CELSR2: variants seen among roughly 807,000 people sequenced by gnomAD.
CELSR2 encodes cadherin EGF LAG seven-pass G-type receptor 2.
Under a neutral mutation model 251.6 loss-of-function variants are expected in CELSR2, and 81 were observed. The ratio of observed to expected loss-of-function variants is 0.32; its 90% CI spans 0.27 to 0.39. The LOEUF is 0.39. Among genes scored for constraint, CELSR2 ranks in the 10% least tolerant of loss-of-function variants. The probability of loss-of-function intolerance (pLI) is 1.00; values close to 1 mark genes in which losing one functional copy is unlikely to be tolerated. For missense variants in CELSR2, 3,365 were observed against 3,947.7 expected (o/e 0.85, Z 3.96); for synonymous variants, 1,721 against 1,670.5 (o/e 1.03, Z -0.74).
chr1:109,262,939 G>A lies in CELSR2; in HGVS notation c.4678G>A (p.Asp1560Asn), dbSNP rs199557483. 185 of 1,613,656 alleles carry A rather than the reference G, an allele frequency of 1.1e-4. No homozygotes were observed. The highest frequency in any genetic ancestry group is 1.5e-4 in the Non-Finnish European group (176 of 1,179,950). ...GGACAGCCGGCACATAGACATGGCT[G>A]ACTTCATTGCCAACAATGGCACCGT... Reference protein sequence around the residue: ...QVDSRHIDMADFIANNGTVPG... With the variant: ...QVDSRHIDMANFIANNGTVPG... The change falls in exon 7 of 34, where the codon GAC becomes AAC. Residue 1560 changes from aspartate to asparagine, a missense_variant. By Grantham distance (23) the Asp-to-Asn change is conservative. Coordinates refer to ENST00000271332, the MANE Select transcript of CELSR2 (RefSeq NM_001408.3).
intron 24 of CELSR2, 156 bp from the exon 25 acceptor site, chr1:109,270,771 G>T: frequency 9.9e-7 from 1 of 1,012,526 alleles, no homozygotes; most frequent in South Asian, 1.5e-5. Context: ...CCACCCAGGC[G>T]TCACTCCCTT....
At position 109,251,489 on chromosome 1, in the gene CELSR2, C is replaced by T. The variant is rs911446385; in HGVS notation, c.1410C>T (p.Tyr470=). ...TTGACTATGAGACGACCAAGGAGTA[C>T]ACCCTACGGGTGCGAGCACAGGATG... The part of the protein sequence containing the change: ...SPLDYETTKE[Y]TLRVRAQDGG... Residue 470 remains tyrosine, a synonymous_variant, in exon 1 of 34, where the codon TAC becomes TAT. Coordinates refer to ENST00000271332, the MANE Select transcript of CELSR2 (RefSeq NM_001408.3). This position sits in a 1 kb window ranked among gnomAD's most constrained non-coding sequence, Gnocchi z 4.9. 2.5e-6 allele frequency: 4 copies of T among 1,613,630 alleles called. No individual in the cohort carries two copies. The highest frequency in any genetic ancestry group is 3.4e-6 in the Non-Finnish European group (4 of 1,180,036).
chr1:109,267,787 C>T lies in CELSR2; in HGVS notation c.6109-64C>T, dbSNP rs868686247. On this transcript the variant is annotated intron_variant, in intron 16 of 33. Coordinates refer to ENST00000271332, the MANE Select transcript of CELSR2 (RefSeq NM_001408.3). ...CAGCTGGAGAGGCCGTCTCTCACCT[C>T]CTGAGGTCCTTTTGCTCCAGAGTTC... is the stretch of plus-strand genomic sequence containing the variant. 11 of 1,579,014 alleles carry T rather than the reference C, an allele frequency of 7.0e-6. 1 individual carries two copies. In the South Asian group the frequency reaches 8.0e-5, roughly 11 times the overall value.
chr1:109,268,449 G>T, intron 17 of CELSR2, 132 bp from the exon 18 acceptor site: 1 of 1,223,376 alleles, frequency 8.2e-7, no homozygotes, highest in Non-Finnish European at 1.1e-6. Flanking sequence ...GCATTTCAGG[G>T]GAGGCAACAG....
chr1:109,258,498 C>G lies in CELSR2; in HGVS notation c.3377C>G (p.Thr1126Ser). The G allele has an allele frequency of 6.2e-7, 1 of 1,602,372 alleles. No individual in the cohort carries two copies. Among genetic ancestry groups the G allele is most frequent in the Non-Finnish European group, 8.5e-7 (1 of 1,174,446 alleles). Residue 1126 changes from threonine (T) to serine (S), a missense_variant, in exon 2 of 34, where the codon ACC (threonine) becomes AGC (serine). Thr to Ser is a moderately conservative substitution (Grantham distance 58, BLOSUM62 1). This residue lies in a region of CELSR2 where 505 missense variants were observed against 660.0 expected (regional missense o/e 0.77). Coordinates refer to ENST00000271332, the MANE Select transcript of CELSR2 (RefSeq NM_001408.3). The stretch of plus-strand genomic sequence containing the variant: ...ACCATCATCACCGATGAGATGCTCA[C>G]CCACAGCATCACGCTGCGCCTGGAG... ...RVTIITDEMLTHSITLRLEDM... is the reference protein window; with the variant it reads ...RVTIITDEMLSHSITLRLEDM...
At chr1:109,263,420 G>T (rs896886807) in intron 8 of CELSR2, among the ~76,000 whole-genome samples, 153 bp downstream of exon 8, 1 of 152,214 alleles carries the variant, frequency 6.6e-6, no homozygotes, top group Admixed American at 6.5e-5. Context: ...CAACACAGGA[G>T]ACAAAGGGGC....
rs1250773291 is a variant in CELSR2, at chr1:109,264,080, A to C, written c.5004A>C (p.Leu1668=). The C allele has an allele frequency of 6.4e-7, 1 of 1,572,700 alleles. No individual in the cohort carries two copies. The highest frequency in any genetic ancestry group is 8.7e-7 in the Non-Finnish European group (1 of 1,153,770). ...GTTTTCTTTCCTCCTGGTGTCAGCT[A>C]CGAGAGGGCCACGTGATGCTGAGCG... The part of the protein sequence containing the change: ...TRGRSTITLQ[L]REGHVMLSVE... The change falls in exon 10 of 34, where the codon CTA becomes CTC. Residue 1668 remains leucine, a splice_region_variant and synonymous_variant. Coordinates refer to ENST00000271332, the MANE Select transcript of CELSR2 (RefSeq NM_001408.3).
At position 109,267,722 on chromosome 1, in the gene CELSR2, C is replaced by T. The variant is rs541442521; in HGVS notation, c.6108+80C>T. ...TTGCCCCCACTCCCATCTTTGAGAA[C>T]GGGGCTTCTGGAATTCCAGCCTGTG... On this transcript the variant is annotated intron_variant, in intron 16 of 33. Transcript: ENST00000271332. 2.1e-5 allele frequency: 33 copies of T among 1,562,200 alleles called. No individual in the cohort carries two copies. In the South Asian group the frequency reaches 3.2e-4, roughly 15 times the overall value.
intron 8 of CELSR2, 82 bp downstream of exon 8, chr1:109,263,349 C>A: frequency 6.6e-7 from 1 of 1,507,392 alleles, no homozygotes; most frequent in Non-Finnish European, 8.9e-7. Context: ...AGGCACTGGG[C>A]AGGGCTCTGC....
chr1:109,271,433 C>T lies in CELSR2; in HGVS notation c.7724C>T (p.Thr2575Met), dbSNP rs1260028332. 5 of 1,613,938 alleles carry T rather than the reference C, an allele frequency of 3.1e-6. No homozygotes were observed. Among genetic ancestry groups the T allele is most frequent in the Non-Finnish European group, 3.4e-6 (4 of 1,180,036 alleles). ...GCCGTCCTCCTGCTGCTGAGCGCCA[C>T]GTGGCTGCTGGCACTGCTCTCTGTC... is the stretch of plus-strand genomic sequence containing the variant. ...SFAVLLLLSA[T>M]WLLALLSVNS... Residue 2575 changes from threonine (T) to methionine (M), a missense_variant, in exon 27 of 34, where the codon ACG becomes ATG. By Grantham distance (81) the Thr-to-Met change is moderately conservative. Coordinates refer to ENST00000271332, the MANE Select transcript of CELSR2 (RefSeq NM_001408.3).
chr1:109,273,527 C>A lies in CELSR2; in HGVS notation c.8601C>A (p.Gly2867=), dbSNP rs1414355160. 1.9e-6 allele frequency: 3 copies of A among 1,599,542 alleles called. No homozygotes were observed. ...PLEQCTGSSR[G]SSASEGSRGG... is the part of the protein sequence containing the mutation. Reference sequence around the variant, plus strand: ...AGCAATGCACAGGGTCTTCCCGGGGCTCCTCCGCTAGTGAGGGCAGCCGGG... The same window carrying A: ...AGCAATGCACAGGGTCTTCCCGGGGATCCTCCGCTAGTGAGGGCAGCCGGG... The change falls in exon 33 of 34, where the codon GGC becomes GGA. Residue 2867 remains glycine, a synonymous_variant. Coordinates refer to ENST00000271332, the MANE Select transcript of CELSR2 (RefSeq NM_001408.3).
chr1:109,257,365 A>AT (rs1333706333), intron 1 of CELSR2, among the ~76,000 whole-genome samples: 1 of 151,814 alleles, frequency 6.6e-6, no homozygotes, highest in Non-Finnish European at 1.5e-5. Flanking sequence ...AAAAAAAAAA[A>AT]AAGACTATCC....
chr1:109,273,875 C>T, intron 33 of CELSR2, 147 bp from the exon 34 acceptor site: 2 of 1,225,836 alleles, frequency 1.6e-6, no homozygotes, highest in African/African-American at 3.0e-5. Flanking sequence ...CTACGCGGCG[C>T]AGCCCAGCCT....
At chr1:109,267,704 C>A in intron 16 of CELSR2, 62 bp downstream of exon 16, 2 of 1,580,702 alleles carry the variant, frequency 1.3e-6, no homozygotes, top group South Asian at 1.1e-5. Flanking sequence ...CACTTGCCCC[C>A]ACTCCCATCT....
chr1:109,251,491 C>A lies in CELSR2; in HGVS notation c.1412C>A (p.Thr471Asn), dbSNP rs201185292. 1 of 1,613,776 alleles carries A rather than the reference C, an allele frequency of 6.2e-7. No homozygotes were observed. Among genetic ancestry groups the A allele is most frequent in the Admixed American group, 1.7e-5 (1 of 60,026 alleles). ...GACTATGAGACGACCAAGGAGTACA[C>A]CCTACGGGTGCGAGCACAGGATGGT... is the stretch of plus-strand genomic sequence containing the variant. Reference protein sequence around the residue: ...PLDYETTKEYTLRVRAQDGGR... With the variant: ...PLDYETTKEYNLRVRAQDGGR... Residue 471 changes from threonine (T) to asparagine (N), a missense_variant, in exon 1 of 34, where the codon ACC (threonine) becomes AAC (asparagine). By Grantham distance (65) the Thr-to-Asn change is moderately conservative. Coordinates refer to ENST00000271332, the MANE Select transcript of CELSR2 (RefSeq NM_001408.3). This position sits in a 1 kb window ranked among gnomAD's most constrained non-coding sequence, Gnocchi z 4.9.
chr1:109,258,949 C>G lies in CELSR2; in HGVS notation c.3828C>G (p.Cys1276Trp). ...CCGTCGGAGGGCTGCGCTGCCGCTG[C>G]CCGCCCGGCTTCACGGGTGACTACT... ...IHPVGGLRCR[C>W]PPGFTGDYCE... Residue 1276 changes from cysteine to tryptophan, a missense_variant, in exon 2 of 34, where the codon TGC becomes TGG. Cys to Trp is a radical substitution (Grantham distance 215). Transcript: ENST00000271332. 6.2e-7 allele frequency: 1 copy of G among 1,611,626 alleles called. No individual in the cohort carries two copies.
chr1:109,269,405 C>A lies in CELSR2; in HGVS notation c.6813-19C>A. On this transcript the variant is annotated intron_variant, in intron 20 of 33. Coordinates refer to ENST00000271332, the MANE Select transcript of CELSR2 (RefSeq NM_001408.3). This position sits in a 1 kb window ranked among gnomAD's most constrained non-coding sequence, Gnocchi z 6.4. ...ATGTGACTGCCGTGGTGACTGTGCA[C>A]CTGACTGCCCCACATCAGAGTCCCC... 1 of 1,612,442 alleles carries A rather than the reference C, an allele frequency of 6.2e-7. No individual in the cohort carries two copies. Among genetic ancestry groups the A allele is most frequent in the South Asian group, 1.1e-5 (1 of 90,962 alleles).
At chr1:109,271,149 G>A in intron 25 of CELSR2, 68 bp from the exon 26 acceptor site, 2 of 1,546,660 alleles carry the variant, frequency 1.3e-6, no homozygotes, top group East Asian at 2.3e-5. Flanking sequence ...TGAGGCCACG[G>A]GGCCCTGTGG....
rs770794586 is a variant in CELSR2 at position 109,261,759 on chromosome 1, C to T, written c.4298-49C>T. The T allele has an allele frequency of 9.6e-5, 150 of 1,562,368 alleles. No individual in the cohort carries two copies. The highest frequency in any genetic ancestry group is 1.2e-4 in the Non-Finnish European group (142 of 1,146,420). Reference sequence around the variant, plus strand: ...CAGCCACTGGCACCCCAAACCCTGCCATTCCTAGCCCTCGTCAGGCATTCC... The same window carrying T: ...CAGCCACTGGCACCCCAAACCCTGCTATTCCTAGCCCTCGTCAGGCATTCC... On this transcript the variant is annotated intron_variant, in intron 4 of 33. Transcript: ENST00000271332. This position sits in a 1 kb window ranked among gnomAD's most constrained non-coding sequence, Gnocchi z 4.8.
Sources: allele counts gnomAD v4.1 joint callset (sites outside exome capture counted in the v4.1 genomes callset), GRCh38; gene constraint gnomAD v4.1.1; regional missense constraint gnomAD v4.1.1; non-coding constraint Gnocchi (gnomAD v3.1); transcripts MANE v1.5; gene names NCBI Gene and HGNC (gene_info 2026-07-23, HGNC 2026-07-21).